The following ATP6V0A4 variants were observed in gnomAD, a reference collection of about 807,000 sequenced individuals.
The protein encoded by ATP6V0A4 is ATPase H+ transporting V0 subunit a4, also known as V-type proton ATPase 116 kDa subunit a 4.
A neutral mutation model predicts 107.3 loss-of-function variants in ATP6V0A4; 86 were observed. That is an observed-to-expected ratio of 0.80 (90% CI 0.67 to 0.96). The LOEUF (loss-of-function observed/expected upper bound fraction) is 0.96, where lower values mean the gene tolerates loss of function less well. Ranked by LOEUF, ATP6V0A4 falls within the 40% of genes least tolerant of loss-of-function variation. ATP6V0A4 has a pLI of 0.00. For missense variants in ATP6V0A4, 908 were observed against 1,045.6 expected, an observed-to-expected ratio of 0.87 and a Z score of 1.81; for synonymous variants, 353 against 381.4, an observed-to-expected ratio of 0.93 and a Z score of 0.87.
In ATP6V0A4 at chr7:138,759,434, C is replaced by T. The variant is rs1806678132; in HGVS notation, c.639+318G>A. 2.6e-5 allele frequency among the ~76,000 whole-genome samples: 4 copies of T among 152,126 alleles called. No homozygotes were observed. The South Asian group carries it at 8.3e-4, about 32-fold the overall frequency. ...TGAAGCTTGAGAAGCTGACCTCAAT[C>T]AGTTCTCAGTTCTTTAAGACACAGC... On this transcript the variant is annotated intron_variant, in intron 8 of 21. Transcript: ENST00000310018.
chr7:138,720,308 GAGA>G, intron 19 of ATP6V0A4, among the ~76,000 whole-genome samples: 1 of 152,278 alleles, frequency 6.6e-6, no homozygotes, highest in East Asian at 1.9e-4. Flanking sequence ...CTGGAGACGG[GAGA>G]CCCATGTATG....
chr7:138,789,681 T>C lies in ATP6V0A4; in HGVS notation c.-120-3421A>G, dbSNP rs538764711. ...CTGTGAAATAATCTTTAAGAATGTA[T>C]TAACTTAGGCCAGGTGCAGTGGCTC... On this transcript the variant is annotated intron_variant, in intron 1 of 21. Coordinates refer to ENST00000310018, the MANE Select transcript of ATP6V0A4 (RefSeq NM_020632.3). Among the ~76,000 whole-genome samples the C allele has an allele frequency of 2.6e-5, 4 of 151,636 alleles. No homozygotes were observed. The East Asian group carries it at 7.8e-4, about 30-fold the overall frequency.
rs1807354653 is a variant in ATP6V0A4 at position 138,771,030 on chromosome 7, T to C, written c.117+101A>G. ...CATCGATTCCAGCTCACGGCTCCTC[T>C]CCCTACAAAATGGTTATTGTTCACC... On this transcript the variant is annotated intron_variant, in intron 3 of 21. Coordinates refer to ENST00000310018, the MANE Select transcript of ATP6V0A4 (RefSeq NM_020632.3). 8.7e-5 allele frequency: 103 copies of C among 1,180,980 alleles called. 3 individuals are homozygous for C. In the South Asian group the frequency reaches 1.2e-3, roughly 14 times the overall value. 73.2% of individuals were successfully genotyped at this position (1,180,980 alleles called of 1,614,324 possible).
chr7:138,750,391 C>T lies in ATP6V0A4; in HGVS notation c.1030-1074G>A, dbSNP rs541268638. ...ACAGCCTCCTGAGTAGCTGGGACTACAGCCATACAGTGCTATGTTACACAG... is the reference window on the plus strand; with the variant it reads ...ACAGCCTCCTGAGTAGCTGGGACTATAGCCATACAGTGCTATGTTACACAG... On this transcript the variant is annotated intron_variant, in intron 11 of 21. Transcript: ENST00000310018. Among the ~76,000 whole-genome samples, 5 of 152,114 alleles carry T rather than the reference C, an allele frequency of 3.3e-5. No homozygotes were observed. The East Asian group carries it at 7.7e-4, about 24-fold the overall frequency.
intron 21 of ATP6V0A4, among the ~76,000 whole-genome samples, chr7:138,708,069 T>G (rs1449457305): frequency 1.5e-5 from 2 of 131,394 alleles, no homozygotes; most frequent in Non-Finnish European, 3.4e-5. Flanking sequence ...TTATTTATTT[T>G]GAGACGGAGT....
In ATP6V0A4 at chr7:138,752,745, T is replaced by G; in HGVS notation, c.909A>C (p.Lys303Asn). 6.2e-7 allele frequency: 1 copy of G among 1,614,178 alleles called. No homozygotes were observed. The highest frequency in any genetic ancestry group is 8.5e-7 in the Non-Finnish European group (1 of 1,180,032). ...HSWLIKVQKM[K>N]AVYHILNMCN... ...ACATGTTCAGGATGTGGTAGACAGCTTTCATCTTCTGCACCTTGATGAGCC... is the reference window on the plus strand; with the variant it reads ...ACATGTTCAGGATGTGGTAGACAGCGTTCATCTTCTGCACCTTGATGAGCC... Residue 303 changes from lysine to asparagine, a missense_variant, in exon 11 of 22, where the codon AAA becomes AAC. By Grantham distance (94) the Lys-to-Asn change is moderately conservative. Transcript: ENST00000310018.
chr7:138,794,938 C>T (rs968244404), intron 1 of ATP6V0A4, among the ~76,000 whole-genome samples: 1 of 150,574 alleles, frequency 6.6e-6, no homozygotes, highest in Admixed American at 6.6e-5. Context: ...CACTCTGTTG[C>T]CCAGGCTGGA....
chr7:138,771,070 T>G lies in ATP6V0A4; in HGVS notation c.117+61A>C, dbSNP rs975966941. On this transcript the variant is annotated intron_variant, in intron 3 of 21. Coordinates refer to ENST00000310018, the MANE Select transcript of ATP6V0A4 (RefSeq NM_020632.3). Reference sequence around the variant, plus strand: ...TATTGTTCACCATAAAGAAGTGTTGTGCAAGAGTTATCTACTCCCACCCCT... The same window carrying G: ...TATTGTTCACCATAAAGAAGTGTTGGGCAAGAGTTATCTACTCCCACCCCT... The G allele has an allele frequency of 7.5e-6, 11 of 1,466,152 alleles. No individual in the cohort carries two copies. In the African/African-American group the frequency reaches 1.4e-4, roughly 19 times the overall value. The allele number at this position is 1,466,152 out of a possible 1,614,324, so 90.8% of individuals were successfully genotyped here.
rs1198927190 is a variant in ATP6V0A4 at position 138,746,450 on chromosome 7, C to T, written c.1320+975G>A. Among the ~76,000 whole-genome samples, 3 of 152,034 alleles carry T rather than the reference C, an allele frequency of 2.0e-5. No homozygotes were observed. The East Asian group carries it at 5.8e-4, about 29-fold the overall frequency. The stretch of plus-strand genomic sequence containing the variant: ...GTCACAGGTTGATTCTGCTCACTAA[C>T]CTCGACATCGCTGACCTAGCTGTAA... On this transcript the variant is annotated intron_variant, in intron 13 of 21. Coordinates refer to ENST00000310018, the MANE Select transcript of ATP6V0A4 (RefSeq NM_020632.3).
Position 138,755,794 on chromosome 7 carries a change from A to G in ATP6V0A4, c.723-12T>C, listed in dbSNP as rs749398178. ...CAGTGGCTCGAAACCTGTGTTTAATATATTCCAAAGGAAACAGGTGAGTTC... is the reference window on the plus strand; with the variant it reads ...CAGTGGCTCGAAACCTGTGTTTAATGTATTCCAAAGGAAACAGGTGAGTTC... On this transcript the variant is annotated splice_polypyrimidine_tract_variant and intron_variant, in intron 9 of 21. Transcript: ENST00000310018. The G allele has an allele frequency of 1.9e-6, 3 of 1,611,498 alleles. No homozygotes were observed. The highest frequency in any genetic ancestry group is 2.2e-5 in the East Asian group (1 of 44,888).
chr7:138,731,054 C>A (rs1804987589), intron 17 of ATP6V0A4, among the ~76,000 whole-genome samples: 1 of 151,332 alleles, frequency 6.6e-6, no homozygotes, highest in African/African-American at 2.4e-5. Context: ...CTGCCTCAGT[C>A]TCCTGAGTAG....
Position 138,745,272 on chromosome 7 carries a change from G to A in ATP6V0A4, c.1329C>T (p.Asn443=). ...TCAGATAGCGCCCGTGGAAGAAGGTGTTCCAAATCTGGCCTCAGAGAGACA... is the reference window on the plus strand; with the variant it reads ...TCAGATAGCGCCCGTGGAAGAAGGTATTCCAAATCTGGCCTCAGAGAGACA... ...LSQKTDNEIW[N]TFFHGRYLIL... The change falls in exon 14 of 22, where the codon AAC becomes AAT. Residue 443 remains asparagine (N), a synonymous_variant. Transcript: ENST00000310018. 1.9e-6 allele frequency: 3 copies of A among 1,614,132 alleles called. No individual in the cohort carries two copies. Among genetic ancestry groups the A allele is most frequent in the Non-Finnish European group, 2.5e-6 (3 of 1,180,010 alleles).
chr7:138,737,193 G>A (rs1454402501), intron 15 of ATP6V0A4, among the ~76,000 whole-genome samples: 1 of 145,420 alleles, frequency 6.9e-6, no homozygotes, highest in Non-Finnish European at 1.5e-5. Flanking sequence ...ATTTCATCTT[G>A]AATTGTATTC....
intron 10 of ATP6V0A4, 107 bp downstream of exon 10, chr7:138,755,582 C>T: frequency 6.7e-7 from 1 of 1,483,334 alleles, no homozygotes; most frequent in Non-Finnish European, 9.2e-7. Context: ...GCCAGCATTC[C>T]AGCCAGCCTC....
chr7:138,776,885 G>A (rs1157973516), intron 2 of ATP6V0A4, among the ~76,000 whole-genome samples: 5 of 152,116 alleles, frequency 3.3e-5, no homozygotes, highest in Admixed American at 1.3e-4. Flanking sequence ...GGTGGCTCAC[G>A]CCTGTAATCC....
intron 19 of ATP6V0A4, among the ~76,000 whole-genome samples, chr7:138,720,762 C>G (rs1248820848): frequency 2.0e-5 from 3 of 151,896 alleles, no homozygotes; most frequent in Non-Finnish European, 4.4e-5. Flanking sequence ...TCAGCCTCCC[C>G]AGTAGCTGGG....
In ATP6V0A4 at chr7:138,755,564, A is replaced by C. The variant is rs114934600; in HGVS notation, c.816+125T>G. 1.4e-3 allele frequency: 1,763 copies of C among 1,295,862 alleles called. 16 individuals are homozygous for C. In the African/African-American group the frequency reaches 0.021, roughly 16 times the overall value. 80.3% of individuals were successfully genotyped at this position (1,295,862 alleles called of 1,614,324 possible). ...GAAATCTTCCACAGCCACAACCAGA[A>C]AGGCATAGCCAGCATTCCAGCCAGC... is the stretch of plus-strand genomic sequence containing the variant. On this transcript the variant is annotated intron_variant, in intron 10 of 21. Transcript: ENST00000310018.
At position 138,759,820 on chromosome 7, in the gene ATP6V0A4, G is replaced by T. The variant is rs1806707296; in HGVS notation, c.571C>A (p.Arg191=). ...AAGTACACGTTTCCTCGGCAGATTC[G>T]CCACAGTAACCGCTCAAAGGAAGCC... ...RMASFERLLW[R]ICRGNVYLKF... Residue 191 remains arginine, a synonymous_variant, in exon 8 of 22, where the codon CGA becomes AGA. Transcript: ENST00000310018. 3 of 1,613,982 alleles carry T rather than the reference G, an allele frequency of 1.9e-6. No individual in the cohort carries two copies. Among genetic ancestry groups the T allele is most frequent in the African/African-American group, 1.3e-5 (1 of 74,908 alleles).
intron 21 of ATP6V0A4, among the ~76,000 whole-genome samples, chr7:138,709,317 T>G (rs1436478458): frequency 6.6e-6 from 1 of 150,990 alleles, no homozygotes; most frequent in Non-Finnish European, 1.5e-5. Flanking sequence ...GTCACTTGGG[T>G]TAAAGCCAAT....
Sources: gnomAD v4.1 joint callset for allele counts (sites outside exome capture counted in the v4.1 genomes callset) on GRCh38, gnomAD v4.1.1 for gene constraint, MANE v1.5 for transcripts, NCBI Gene and HGNC (gene_info 2026-07-23, HGNC 2026-07-21) for gene names.